Variants in RNGTT observed in about 807,000 individuals in gnomAD.
RNGTT encodes mRNA-capping enzyme.
Under a neutral mutation model 79.3 loss-of-function variants are expected in RNGTT, and 33 were observed. That is an observed-to-expected ratio of 0.42 (90% CI 0.32 to 0.56). The LOEUF (loss-of-function observed/expected upper bound fraction) is 0.56, where lower values mean the gene tolerates loss of function less well. Among genes scored for constraint, RNGTT ranks in the 20% least tolerant of loss-of-function variants. RNGTT has a pLI of 0.17. For synonymous variants in RNGTT, 222 were observed against 235.9 expected, an observed-to-expected ratio of 0.94 and a Z score of 0.54; for missense variants, 497 against 739.1, an observed-to-expected ratio of 0.67 and a Z score of 3.80.
intron 4 of RNGTT, among the ~76,000 whole-genome samples, chr6:88,913,223 A>AAAAC (rs1554230844): frequency 2.1e-5 from 3 of 145,494 alleles, no homozygotes; most frequent in African/African-American, 7.6e-5. Context: ...ACAAAAAAAA[A>AAAAC]AAACAAAAAA....
chr6:88,822,532 T>C (rs1028393311), intron 11 of RNGTT, among the ~76,000 whole-genome samples: 2 of 152,148 alleles, frequency 1.3e-5, no homozygotes, highest in Non-Finnish European at 2.9e-5. Context: ...CACTACAGTG[T>C]AAATAAACTA....
At chr6:88,664,718 A>C (rs1006125170) in intron 14 of RNGTT, among the ~76,000 whole-genome samples, 3 of 152,196 alleles carry the variant, frequency 2.0e-5, no homozygotes, top group Non-Finnish European at 4.4e-5. Context: ...TTCAGAGCAA[A>C]AGACCCCAGA....
intron 8 of RNGTT, among the ~76,000 whole-genome samples, chr6:88,857,381 C>T (rs752822291): frequency 6.6e-6 from 1 of 152,068 alleles, no homozygotes; most frequent in Non-Finnish European, 1.5e-5. Context: ...TTATCTTATA[C>T]TCTATGAAGG....
chr6:88,870,588 G>A (rs1275085190), intron 8 of RNGTT, among the ~76,000 whole-genome samples: 2 of 149,892 alleles, frequency 1.3e-5, no homozygotes, highest in Non-Finnish European at 3.0e-5. Flanking sequence ...TTCAACTTAA[G>A]AATGTCTCAG....
chr6:88,866,299 T>C (rs1205690381), intron 8 of RNGTT, among the ~76,000 whole-genome samples: 1 of 152,122 alleles, frequency 6.6e-6, no homozygotes, highest in African/African-American at 2.4e-5. Flanking sequence ...CCAAGTAGCA[T>C]GCACTTACAC....
chr6:88,676,040 T>A (rs1275613645), intron 14 of RNGTT, among the ~76,000 whole-genome samples: 1 of 152,142 alleles, frequency 6.6e-6, no homozygotes, highest in African/African-American at 2.4e-5. Context: ...GGCATTTTTA[T>A]AGAAACTGAC....
intron 12 of RNGTT, among the ~76,000 whole-genome samples, chr6:88,774,686 C>T (rs956606892): frequency 8.5e-5 from 13 of 152,064 alleles, no homozygotes; most frequent in Non-Finnish European, 1.8e-4. Context: ...ACCTCAAAAG[C>T]ATTATGCTAA....
chr6:88,822,543 TTC>T (rs1780528923), intron 11 of RNGTT, among the ~76,000 whole-genome samples: 1 of 152,174 alleles, frequency 6.6e-6, no homozygotes, highest in Admixed American at 6.5e-5. Context: ...AAATAAACTA[TTC>T]TCTGTCATAG....
intron 13 of RNGTT, among the ~76,000 whole-genome samples, chr6:88,706,471 G>A (rs1247635898): frequency 6.6e-6 from 1 of 151,918 alleles, no homozygotes; most frequent in Non-Finnish European, 1.5e-5. Flanking sequence ...GCACTATAAG[G>A]AAGAGCACTA....
At chr6:88,790,084 C>T (rs1415731091) in intron 12 of RNGTT, among the ~76,000 whole-genome samples, 1 of 151,914 alleles carries the variant, frequency 6.6e-6, no homozygotes, top group Admixed American at 6.6e-5. Context: ...AGGAGACTGA[C>T]AATAGCAGAA....
intron 1 of RNGTT, among the ~76,000 whole-genome samples, chr6:88,953,786 C>T (rs1219996952): frequency 6.6e-6 from 1 of 152,170 alleles, no homozygotes; most frequent in Admixed American, 6.5e-5. Context: ...CAGCAGAAAC[C>T]TTACAAGCCA....
chr6:88,695,018 AAACT>A, intron 13 of RNGTT, among the ~76,000 whole-genome samples: 1 of 152,310 alleles, frequency 6.6e-6, no homozygotes, highest in African/African-American at 2.4e-5. Context: ...GCGCACAAAC[AAACT>A]AAGACAAAGA....
At chr6:88,901,663 G>C (rs1174422110) in intron 6 of RNGTT, among the ~76,000 whole-genome samples, 1 of 151,610 alleles carries the variant, frequency 6.6e-6, no homozygotes, top group Non-Finnish European at 1.5e-5. Context: ...CCTGCCACTA[G>C]GCCGAGCTAA....
intron 13 of RNGTT, among the ~76,000 whole-genome samples, chr6:88,747,350 G>T (rs907146017): frequency 3.3e-5 from 5 of 152,098 alleles, no homozygotes; most frequent in Admixed American, 2.0e-4. Context: ...CTTCCCTATG[G>T]AATTAATCAT....
intron 11 of RNGTT, among the ~76,000 whole-genome samples, chr6:88,808,769 G>A (rs1780041836): frequency 6.6e-6 from 1 of 151,978 alleles, no homozygotes; most frequent in Non-Finnish European, 1.5e-5. Context: ...AAAAAATGTA[G>A]GTTTATCATA....
rs888776737 is a variant in RNGTT at position 88,610,165 on chromosome 6, A to C, written c.*2554T>G. On this transcript the variant is annotated 3_prime_UTR_variant, in exon 16 of 16. Coordinates refer to ENST00000369485, the MANE Select transcript of RNGTT (RefSeq NM_003800.5). ...CCAAGTCTTTATGCTAATCTCTACA[A>C]AGCCAGATGGATTACACTGGGTGTG... 3.9e-5 allele frequency: 6 copies of C among 152,582 alleles called. No individual in the cohort carries two copies. Among genetic ancestry groups the C allele is most frequent in the Non-Finnish European group, 7.3e-5 (5 of 68,040 alleles). The allele number at this position is 152,582 out of a possible 1,614,324, so 9.5% of individuals were successfully genotyped here.
At chr6:88,626,032 T>C (rs553284025) in intron 14 of RNGTT, among the ~76,000 whole-genome samples, 9 of 152,148 alleles carry the variant, frequency 5.9e-5, no homozygotes, top group Non-Finnish European at 1.3e-4. Flanking sequence ...ATTTATTTAA[T>C]GCTCACAACA....
chr6:88,631,698 C>A (rs903567103), intron 14 of RNGTT, among the ~76,000 whole-genome samples: 4 of 152,112 alleles, frequency 2.6e-5, no homozygotes, highest in East Asian at 3.9e-4. Flanking sequence ...TGTTTTTATG[C>A]CCCTTATTTC....
intron 13 of RNGTT, among the ~76,000 whole-genome samples, chr6:88,685,371 T>G (rs1271644931): frequency 6.6e-6 from 1 of 152,136 alleles, no homozygotes. Flanking sequence ...GGAAACTGTA[T>G]GCCGAAAGAG....
Sources: gnomAD v4.1 joint callset for allele counts (sites outside exome capture counted in the v4.1 genomes callset) on GRCh38, gnomAD v4.1.1 for gene constraint, MANE v1.5 for transcripts, NCBI Gene and HGNC (gene_info 2026-07-23, HGNC 2026-07-21) for gene names.